EGFLAM: variants seen among roughly 807,000 people sequenced by gnomAD.
EGFLAM encodes the protein EGF like, fibronectin type III and laminin G domains.
Under a neutral mutation model 113.1 loss-of-function variants are expected in EGFLAM, and 79 were observed. That is an observed-to-expected ratio of 0.70 (90% CI 0.58 to 0.84). EGFLAM has a LOEUF of 0.84. Ranked by LOEUF, EGFLAM falls within the 40% of genes least tolerant of loss-of-function variation. The probability of loss-of-function intolerance (pLI) is 0.00; values close to 1 mark genes in which losing one functional copy is unlikely to be tolerated. For missense variants in EGFLAM, 1,265 were observed against 1,291.6 expected, an observed-to-expected ratio of 0.98 and a Z score of 0.32; for synonymous variants, 504 against 487.6, an observed-to-expected ratio of 1.03 and a Z score of -0.44.
chr5:38,412,572 C>T lies in EGFLAM; in HGVS notation c.1418C>T (p.Thr473Met), dbSNP rs16903965. Reference protein sequence around the residue: ...ETKIKLGGWHTVMLYRDGLNG... With the variant: ...ETKIKLGGWHMVMLYRDGLNG... ...AAAATCAAACTAGGGGGTTGGCACA[C>T]GGTTATGCTCTACAGAGATGGGCTG... The change falls in exon 11 of 22, where the codon ACG becomes ATG. Residue 473 changes from threonine to methionine, a missense_variant. By Grantham distance (81) the Thr-to-Met change is moderately conservative. Transcript: ENST00000322350. The T allele has an allele frequency of 0.11, 174,522 of 1,613,980 alleles. 10,442 individuals are homozygous for T. Among genetic ancestry groups the T allele is most frequent in the East Asian group, 0.22 (9,940 of 44,852 alleles).
intron 17 of EGFLAM, among the ~76,000 whole-genome samples, chr5:38,443,914 G>T (rs193085441): frequency 5.9e-5 from 9 of 152,114 alleles, no homozygotes; most frequent in Admixed American, 5.9e-4. Flanking sequence ...GAGATTACAG[G>T]CATGCCCTAC....
At chr5:38,447,291 C>T (rs1742744580) in intron 17 of EGFLAM, among the ~76,000 whole-genome samples, 1 of 152,174 alleles carries the variant, frequency 6.6e-6, no homozygotes, top group African/African-American at 2.4e-5. Flanking sequence ...GGCCAGAAGC[C>T]AGAATTAAGA....
rs1030364425 is a variant in EGFLAM at position 38,464,879 on chromosome 5, C to T, written c.*893C>T. 6.6e-6 allele frequency: 1 copy of T among 152,096 alleles called. No individual in the cohort carries two copies. The highest frequency in any genetic ancestry group is 2.4e-5 in the African/African-American group (1 of 41,390). 9.4% of individuals were successfully genotyped at this position (152,096 alleles called of 1,614,324 possible). A position where few individuals can be genotyped will look rare whatever the true frequency, so the allele number is the denominator to read the frequency against. On this transcript the variant is annotated 3_prime_UTR_variant, in exon 22 of 22. Coordinates refer to ENST00000322350, the MANE Select transcript of EGFLAM (RefSeq NM_152403.4). ...TCTCTTTTGGTAAATGTTGACGGCT[C>T]AAGAGGATGAATATGAAGCTTTCCA... is the stretch of plus-strand genomic sequence containing the variant.
At chr5:38,404,859 G>T (rs1477961708) in intron 6 of EGFLAM, among the ~76,000 whole-genome samples, 1 of 152,176 alleles carries the variant, frequency 6.6e-6, no homozygotes, top group Non-Finnish European at 1.5e-5. Context: ...CTCTTTAAAA[G>T]GCTGCCACCT....
intron 4 of EGFLAM, among the ~76,000 whole-genome samples, chr5:38,351,701 A>G (rs1306336781): frequency 6.6e-6 from 1 of 152,166 alleles, no homozygotes; most frequent in East Asian, 1.9e-4. Context: ...TTCCCAAATG[A>G]CCTACCATTA....
rs767003028 is a variant in EGFLAM, at chr5:38,409,057, G to C, written c.1302G>C (p.Arg434Ser). 14 of 1,595,346 alleles carry C rather than the reference G, an allele frequency of 8.8e-6. No individual in the cohort carries two copies. The highest frequency in any genetic ancestry group is 8.0e-5 in the African/African-American group (6 of 74,582). ...ACTGTGGGGAGAACGAACACGGGAG[G>C]GGGGATTTCATGTCCCTGGCTATCA... ...LLYCGENEHG[R>S]GDFMSLAIIR... The change falls in exon 10 of 22, where the codon AGG (arginine) becomes AGC (serine). Residue 434 changes from arginine to serine, a missense_variant. By Grantham distance (110) the Arg-to-Ser change is moderately radical (BLOSUM62 -1). Transcript: ENST00000322350.
chr5:38,261,079 A>C (rs1757489934), intron 1 of EGFLAM, among the ~76,000 whole-genome samples: 1 of 152,156 alleles, frequency 6.6e-6, no homozygotes, highest in South Asian at 2.1e-4. Flanking sequence ...TCATACTCCT[A>C]AATCTACTTT....
At chr5:38,258,878 C>T in intron 1 of EGFLAM, 27 bp downstream of exon 1, 1 of 1,596,754 alleles carries the variant, frequency 6.3e-7, no homozygotes, top group Non-Finnish European at 8.5e-7. Context: ...CCCAGAGCCA[C>T]CACGCCCCGA....
At chr5:38,314,461 C>T (rs746755435) in intron 1 of EGFLAM, among the ~76,000 whole-genome samples, 4 of 152,142 alleles carry the variant, frequency 2.6e-5, no homozygotes, top group Admixed American at 1.3e-4. Flanking sequence ...GGGCAGTAGA[C>T]GTATGCAAAT....
intron 6 of EGFLAM, among the ~76,000 whole-genome samples, chr5:38,376,776 T>G (rs925269547): frequency 2.6e-5 from 4 of 152,116 alleles, no homozygotes; most frequent in Admixed American, 6.5e-5. Context: ...GCTCAAGTGA[T>G]CCTCCCACCT....
At chr5:38,415,040 C>A (rs989456560) in intron 11 of EGFLAM, among the ~76,000 whole-genome samples, 2 of 152,092 alleles carry the variant, frequency 1.3e-5, no homozygotes, top group Non-Finnish European at 2.9e-5. Context: ...TTTTGTTAAT[C>A]TCAAGATTCT....
intron 1 of EGFLAM, among the ~76,000 whole-genome samples, chr5:38,297,772 C>G (rs1394843705): frequency 6.6e-6 from 1 of 152,248 alleles, no homozygotes; most frequent in Non-Finnish European, 1.5e-5. Flanking sequence ...CCTGGGCTCA[C>G]TATCCAAATT....
intron 3 of EGFLAM, among the ~76,000 whole-genome samples, chr5:38,348,390 G>C (rs577475152): frequency 1.3e-5 from 2 of 152,272 alleles, no homozygotes; most frequent in South Asian, 2.1e-4. Flanking sequence ...AGCAGAGAAA[G>C]GGGGGTGGAT....
chr5:38,298,579 A>G (rs1304605255), intron 1 of EGFLAM, among the ~76,000 whole-genome samples: 1 of 152,260 alleles, frequency 6.6e-6, no homozygotes, highest in Non-Finnish European at 1.5e-5. Context: ...TGAACAATAA[A>G]GGTAAACCTC....
At chr5:38,359,393 T>C (rs1739860752) in intron 5 of EGFLAM, among the ~76,000 whole-genome samples, 1 of 152,182 alleles carries the variant, frequency 6.6e-6, no homozygotes, top group African/African-American at 2.4e-5. Flanking sequence ...AAGTCCACCA[T>C]TGGCCGCGCG....
intron 3 of EGFLAM, among the ~76,000 whole-genome samples, chr5:38,348,833 G>A (rs1040946287): frequency 3.9e-5 from 6 of 152,108 alleles, no homozygotes; most frequent in Non-Finnish European, 8.8e-5. Context: ...AACAGATGGG[G>A]CAGTTCAGGG....
At chr5:38,312,845 TGGGA>T (rs1181388535) in intron 1 of EGFLAM, among the ~76,000 whole-genome samples, 10 of 152,076 alleles carry the variant, frequency 6.6e-5, no homozygotes, top group African/African-American at 2.4e-4. Flanking sequence ...CCCAGCACTT[TGGGA>T]GGTGGAGGTG....
At chr5:38,449,920 A>T (rs951538908) in intron 18 of EGFLAM, among the ~76,000 whole-genome samples, 2 of 151,994 alleles carry the variant, frequency 1.3e-5, no homozygotes, top group Non-Finnish European at 2.9e-5. Context: ...TTCCAATCTC[A>T]TCCCTATTTC....
At chr5:38,456,088 C>T (rs1008776523) in intron 19 of EGFLAM, among the ~76,000 whole-genome samples, 2 of 152,194 alleles carry the variant, frequency 1.3e-5, no homozygotes, top group African/African-American at 4.8e-5. Context: ...CCTTGGGGTG[C>T]ATTGTCAACC....
Sources: allele counts gnomAD v4.1 joint callset (sites outside exome capture counted in the v4.1 genomes callset), GRCh38; gene constraint gnomAD v4.1.1; transcripts MANE v1.5; gene names NCBI Gene and HGNC (gene_info 2026-07-23, HGNC 2026-07-21).